Variants in CNBD1 observed in about 807,000 individuals in gnomAD.
CNBD1 encodes cyclic nucleotide binding domain containing 1.
In CNBD1, 71 loss-of-function variants were observed where a neutral mutation model predicts 54.4. The observed-to-expected ratio is 1.30, with a 90% CI of 1.08 to 1.59. The LOEUF is 1.59. CNBD1 is among the 40% of genes most tolerant of loss of function. The probability of loss-of-function intolerance (pLI) is 0.00; values close to 1 mark genes in which losing one functional copy is unlikely to be tolerated. For synonymous variants in CNBD1, 182 were observed against 170.7 expected (o/e 1.07, Z -0.51); for missense variants, 659 against 518.0 (o/e 1.27, Z -2.64).
chr8:87,384,917 G>A (rs1563580924), downstream of CNBD1, among the ~76,000 whole-genome samples: 3 of 152,166 alleles, frequency 2.0e-5, no homozygotes, highest in African/African-American at 4.8e-5. Flanking sequence ...TGGAATCAGA[G>A]TAATAGCAGG....
At chr8:87,203,318 T>A (rs538360675) in intron 4 of CNBD1, among the ~76,000 whole-genome samples, 9 of 152,336 alleles carry the variant, frequency 5.9e-5, no homozygotes, top group African/African-American at 2.2e-4. Context: ...TATACATTTT[T>A]ATTGTATATG....
chr8:86,940,020 T>A (rs1235600217), intron 4 of CNBD1, among the ~76,000 whole-genome samples: 1 of 152,136 alleles, frequency 6.6e-6, no homozygotes, highest in Non-Finnish European at 1.5e-5. Context: ...TATATATTAT[T>A]TACTGATATT....
chr8:87,407,103 C>T (rs531552737), intron 2 of CNBD1, among the ~76,000 whole-genome samples: 2 of 151,886 alleles, frequency 1.3e-5, no homozygotes, highest in Non-Finnish European at 2.9e-5. Flanking sequence ...TGTTAATCAC[C>T]ATACTGATCA....
At chr8:87,041,966 T>C (rs1810081194) in intron 4 of CNBD1, among the ~76,000 whole-genome samples, 1 of 152,096 alleles carries the variant, frequency 6.6e-6, no homozygotes, top group East Asian at 1.9e-4. Flanking sequence ...AGGAGAGTGA[T>C]GACGAAGGTG....
intron 4 of CNBD1, among the ~76,000 whole-genome samples, chr8:87,173,587 C>A (rs1163023017): frequency 6.6e-6 from 1 of 151,760 alleles, no homozygotes; most frequent in Admixed American, 6.6e-5. Flanking sequence ...TTTCCTTCGG[C>A]ATTTTCAATA....
intron 8 of CNBD1, among the ~76,000 whole-genome samples, chr8:87,327,070 G>C (rs1202595561): frequency 6.7e-6 from 1 of 149,430 alleles, no homozygotes; most frequent in Non-Finnish European, 1.5e-5. Context: ...GCCGTGTGAG[G>C]TGTCAGTGTG....
intron 5 of CNBD1, among the ~76,000 whole-genome samples, chr8:87,219,807 C>A (rs755861111): frequency 2.6e-4 from 40 of 152,110 alleles, no homozygotes; most frequent in Non-Finnish European, 5.3e-4. Context: ...CATGCTTATA[C>A]AATCACTTAC....
intron 10 of CNBD1, among the ~76,000 whole-genome samples, chr8:87,381,615 G>A (rs1586066443): frequency 6.6e-6 from 1 of 152,042 alleles, no homozygotes; most frequent in Non-Finnish European, 1.5e-5. Context: ...TAATATGTGG[G>A]AAATCTATTG....
At chr8:87,195,321 C>G (rs1813695525) in intron 4 of CNBD1, among the ~76,000 whole-genome samples, 1 of 150,598 alleles carries the variant, frequency 6.6e-6, no homozygotes, top group Non-Finnish European at 1.5e-5. Flanking sequence ...CTCCACCTCC[C>G]AGGTTCGAGT....
At chr8:87,013,296 G>A (rs894157317) in intron 4 of CNBD1, among the ~76,000 whole-genome samples, 3 of 152,124 alleles carry the variant, frequency 2.0e-5, no homozygotes, top group African/African-American at 7.2e-5. Flanking sequence ...CATTTCTAAA[G>A]GGTCTTCTCA....
At chr8:87,155,075 AT>A (rs959616859) in intron 4 of CNBD1, among the ~76,000 whole-genome samples, 26 of 152,164 alleles carry the variant, frequency 1.7e-4, no homozygotes, top group African/African-American at 5.3e-4. Flanking sequence ...TGGGAGGGCA[AT>A]TTTCCTCTTT....
At chr8:87,092,431 A>ATGTGTGTGTGTATATATATACACATG (rs1811227937) in intron 4 of CNBD1, among the ~76,000 whole-genome samples, 8 of 113,466 alleles carry the variant, frequency 7.1e-5, no homozygotes, top group African/African-American at 2.9e-4. Context: ...GTATGTATGT[A>ATGTGTGTGTGTATATATATACACATG]TGTGTGTGTG....
intron 2 of CNBD1, among the ~76,000 whole-genome samples, chr8:86,896,464 G>C (rs1407819691): frequency 6.6e-6 from 1 of 152,108 alleles, no homozygotes; most frequent in Non-Finnish European, 1.5e-5. Context: ...CTATTTATTT[G>C]TGTCATCTGA....
intron 5 of CNBD1, among the ~76,000 whole-genome samples, chr8:87,217,857 G>A (rs1563511186): frequency 6.6e-6 from 1 of 151,994 alleles, no homozygotes; most frequent in Non-Finnish European, 1.5e-5. Context: ...AAACCATCTG[G>A]ACTTTATATT....
intron 8 of CNBD1, among the ~76,000 whole-genome samples, chr8:87,336,676 A>G (rs968720524): frequency 3.6e-4 from 55 of 152,076 alleles, no homozygotes; most frequent in Non-Finnish European, 7.5e-4. Flanking sequence ...GTTATTACCC[A>G]CCTTCTGAAG....
chr8:87,228,066 T>A (rs1295089815), intron 5 of CNBD1, among the ~76,000 whole-genome samples: 2 of 151,882 alleles, frequency 1.3e-5, no homozygotes, highest in Non-Finnish European at 2.9e-5. Context: ...TTCCCGTAGT[T>A]CTCGAGCCTT....
chr8:87,102,063 A>G lies in CNBD1; in HGVS notation c.432-103930A>G, dbSNP rs544197797. On this transcript the variant is annotated intron_variant, in intron 4 of 10. Coordinates refer to ENST00000518476, the MANE Select transcript of CNBD1 (RefSeq NM_173538.3). ...GCCACCATGTCTGGCTAATTTTTAT[A>G]TTTTTAGTAGAGATGGGGTTTCACT... Among the ~76,000 whole-genome samples the G allele has an allele frequency of 3.3e-5, 5 of 151,914 alleles. No homozygotes were observed. In the South Asian group the frequency reaches 1.0e-3, roughly 32 times the overall value.
rs568540331 is a variant in CNBD1, at chr8:87,039,683, C to A, written c.431+99929C>A. 2.6e-5 allele frequency among the ~76,000 whole-genome samples: 4 copies of A among 152,192 alleles called. No individual in the cohort carries two copies. The East Asian group carries it at 7.7e-4, about 29-fold the overall frequency. On this transcript the variant is annotated intron_variant, in intron 4 of 10. Coordinates refer to ENST00000518476, the MANE Select transcript of CNBD1 (RefSeq NM_173538.3). ...CATGCAGGGCTGGCTGTGCTGGAGA[C>A]CAGAGTTTTGTAATTACTCAAATTA...
chr8:87,136,657 A>C (rs1363777727), intron 4 of CNBD1, among the ~76,000 whole-genome samples: 3 of 16,796 alleles, frequency 1.8e-4, no homozygotes, highest in African/African-American at 9.1e-4. Context: ...TATATATTAT[A>C]TTTATATTAT....
Sources: gnomAD v4.1 joint callset for allele counts (sites outside exome capture counted in the v4.1 genomes callset) on GRCh38, gnomAD v4.1.1 for gene constraint, MANE v1.5 for transcripts, NCBI Gene and HGNC (gene_info 2026-07-23, HGNC 2026-07-21) for gene names.